The following PLXNA1 variants were observed in gnomAD, a reference collection of about 807,000 sequenced individuals.
PLXNA1 encodes plexin A1, also known as plexin-A1.
In PLXNA1, 77 loss-of-function variants were observed where a neutral mutation model predicts 191.7. The observed-to-expected ratio is 0.40, with a 90% confidence interval of 0.33 to 0.49. PLXNA1 has a LOEUF of 0.49. Ranked by LOEUF, PLXNA1 falls within the 20% of genes least tolerant of loss-of-function variation. The probability of loss-of-function intolerance (pLI) is 0.63; values close to 1 mark genes in which losing one functional copy is unlikely to be tolerated. For synonymous variants in PLXNA1, 1,137 were observed against 1,156.4 expected, an observed-to-expected ratio of 0.98 and a Z score of 0.34; for missense variants, 2,110 against 2,660.2, an observed-to-expected ratio of 0.79 and a Z score of 4.55.
chr3:127,031,935 G>C (rs1329699411), intron 29 of PLXNA1: 1 of 183,106 alleles, frequency 5.5e-6, no homozygotes, highest in African/African-American at 2.4e-5. Flanking sequence ...GTGCTGCCAG[G>C]CAGCCCAGCT....
In PLXNA1 at chr3:127,032,576, C is replaced by T. The variant is rs2079216855; in HGVS notation, c.5421C>T (p.Pro1807=). ...AGCTGCTCTACGCCAAGGACATCCC[C>T]AACTACAAGAGCTGGGTGGAGAGGT... ...SNKLLYAKDI[P]NYKSWVERYY... Residue 1807 remains proline (P), a synonymous_variant, in exon 30 of 32, where the codon CCC becomes CCT. Transcript: ENST00000393409. 1.2e-6 allele frequency: 2 copies of T among 1,613,862 alleles called. No homozygotes were observed. The highest frequency in any genetic ancestry group is 1.3e-5 in the African/African-American group (1 of 75,018).
chr3:127,009,113 G>A (rs1483866657), intron 9 of PLXNA1, among the ~76,000 whole-genome samples: 1 of 141,770 alleles, frequency 7.1e-6, no homozygotes, highest in Non-Finnish European at 1.5e-5. Flanking sequence ...TGAAGTCACT[G>A]TGGGGATGAT....
intron 21 of PLXNA1, among the ~76,000 whole-genome samples, chr3:127,020,914 C>A (rs369090742): frequency 2.0e-4 from 31 of 152,208 alleles, no homozygotes; most frequent in Non-Finnish European, 4.1e-4. Flanking sequence ...GGCTTTGCCC[C>A]GTAGACCTTG....
At chr3:127,001,204 C>T (rs1388406478) in intron 3 of PLXNA1, among the ~76,000 whole-genome samples, 1 of 152,134 alleles carries the variant, frequency 6.6e-6, no homozygotes, top group Non-Finnish European at 1.5e-5. Flanking sequence ...CTGGTGTGCC[C>T]CCTGGACCTG....
At position 127,014,539 on chromosome 3, in the gene PLXNA1, T is replaced by G; in HGVS notation, c.2666T>G (p.Leu889Arg). The change falls in exon 13 of 32, where the codon CTG (leucine) becomes CGG (arginine). Residue 889 changes from leucine (L) to arginine (R), a missense_variant. Physicochemically the swap from Leu to Arg is moderately radical, Grantham distance 102. Coordinates refer to ENST00000393409, the MANE Select transcript of PLXNA1 (RefSeq NM_032242.4). Reference protein sequence around the residue: ...GTRLTITGENLGLRFEDVRLG... With the variant: ...GTRLTITGENRGLRFEDVRLG... ...CGGCTCACTATCACAGGCGAGAACC[T>G]GGGCCTGCGATTCGAAGACGTGCGT... The G allele has an allele frequency of 6.2e-7, 1 of 1,611,264 alleles. No homozygotes were observed. Among genetic ancestry groups the G allele is most frequent in the Non-Finnish European group, 8.5e-7 (1 of 1,179,824 alleles).
At chr3:126,985,089 TAGC>T (rs1349427523) in intron 1 of PLXNA1, among the ~76,000 whole-genome samples, 3 of 152,108 alleles carry the variant, frequency 2.0e-5, no homozygotes, top group Non-Finnish European at 4.4e-5. Flanking sequence ...GCCTGAGCCA[TAGC>T]AGGATCTGGC....
Position 127,022,604 on chromosome 3 carries a change from C to T in PLXNA1, c.4296-148C>T, listed in dbSNP as rs142668689. On this transcript the variant is annotated intron_variant, in intron 22 of 31. Coordinates refer to ENST00000393409, the MANE Select transcript of PLXNA1 (RefSeq NM_032242.4). ...CAGCCCCTGAAGCGCCTGCTGCCCACTCATGTGGGTGCCTTTCGAGACCTG... is the reference window on the plus strand; with the variant it reads ...CAGCCCCTGAAGCGCCTGCTGCCCATTCATGTGGGTGCCTTTCGAGACCTG... 4,244 of 831,188 alleles carry T rather than the reference C, an allele frequency of 5.1e-3. 25 individuals carry two copies. Among genetic ancestry groups the T allele is most frequent in the Non-Finnish European group, 7.1e-3 (3,574 of 504,082 alleles). The allele number at this position is 831,188 out of a possible 1,614,324, so 51.5% of individuals were successfully genotyped here. A position where few individuals can be genotyped will look rare whatever the true frequency, so the allele number is the denominator to read the frequency against.
Position 126,991,465 on chromosome 3 carries a change from CT to C in PLXNA1, c.1277del (p.Leu426ArgfsTer9). On this transcript the variant is annotated frameshift_variant, in exon 3 of 32. Transcript: ENST00000393409. LOFTEE classifies it high-confidence loss of function. ...GGTVTIEGTPLFVDKDDGLTA... is the reference protein window; with the variant it reads ...GGTVTIEGTPXFVDKDDGLTA... ...CACAGTCACCATTGAGGGGACGCCC[CT>C]GTTCGTGGACAAGGATGATGGCCTG... 6.2e-7 allele frequency: 1 copy of C among 1,612,866 alleles called. No homozygotes were observed. The highest frequency in any genetic ancestry group is 8.5e-7 in the Non-Finnish European group (1 of 1,179,878).
intron 9 of PLXNA1, among the ~76,000 whole-genome samples, chr3:127,011,422 G>A (rs570620225): frequency 3.9e-5 from 6 of 152,352 alleles, no homozygotes; most frequent in African/African-American, 1.4e-4. Context: ...TGCAGGGCTT[G>A]GGGATTACAG....
chr3:126,988,642 T>TTGCTGC lies in PLXNA1; in HGVS notation c.59_64dup (p.Leu20_Leu21dup), dbSNP rs760987780. ...GCAGGTGCTCCTGCTGCTGCTGCTGTTGCTGCTGCTGCTGCCGGGCATGTG... is the reference window on the plus strand; with the variant it reads ...GCAGGTGCTCCTGCTGCTGCTGCTGTTGCTGCTGCTGCTGCTGCTGCCGGGCATGTG... On this transcript the variant is annotated inframe_insertion, in exon 2 of 32. Transcript: ENST00000393409. 3.2e-6 allele frequency: 5 copies of TTGCTGC among 1,576,120 alleles called. No homozygotes were observed. The highest frequency in any genetic ancestry group is 4.3e-6 in the Non-Finnish European group (5 of 1,161,296).
Position 127,017,681 on chromosome 3 carries a change from C to G in PLXNA1, c.3516+17C>G, listed in dbSNP as rs373371262. The G allele has an allele frequency of 1.9e-6, 3 of 1,613,250 alleles. No homozygotes were observed. The highest frequency in any genetic ancestry group is 1.1e-5 in the South Asian group (1 of 91,082). On this transcript the variant is annotated intron_variant, in intron 18 of 31. Transcript: ENST00000393409. ...ATCCTCAAGGTGGGTCACCATTGCCCGTAGGCTGGGCCAAGCCAGGGAAGA... is the reference window on the plus strand; with the variant it reads ...ATCCTCAAGGTGGGTCACCATTGCCGGTAGGCTGGGCCAAGCCAGGGAAGA...
In PLXNA1 at chr3:127,035,186, C is replaced by T. The variant is rs1192095406; in HGVS notation, c.*1169C>T. On this transcript the variant is annotated 3_prime_UTR_variant, in exon 32 of 32. Transcript: ENST00000393409. ...GAGGCCAGCGGTGTCCACCCTTGCC[C>T]TCAGCAAGAGAGAATGCATTCTTAA... is the stretch of plus-strand genomic sequence containing the variant. The T allele has an allele frequency of 6.6e-6, 1 of 152,198 alleles. No homozygotes were observed. The highest frequency in any genetic ancestry group is 1.5e-5 in the Non-Finnish European group (1 of 68,064). The allele number at this position is 152,198 out of a possible 1,614,324, so 9.4% of individuals were successfully genotyped here. A position where few individuals can be genotyped will look rare whatever the true frequency, so the allele number is the denominator to read the frequency against.
chr3:127,010,923 G>T (rs1361043712), intron 9 of PLXNA1, among the ~76,000 whole-genome samples: 1 of 152,182 alleles, frequency 6.6e-6, no homozygotes, highest in African/African-American at 2.4e-5. Flanking sequence ...CCATTCTCGG[G>T]CGCTCACGGG....
At chr3:127,016,820 G>C (rs1217141490) in intron 16 of PLXNA1, 124 bp from the exon 17 acceptor site, 1 of 1,389,118 alleles carries the variant, frequency 7.2e-7, no homozygotes, top group African/African-American at 1.4e-5. Context: ...CCCTTGCCAA[G>C]AGCTTTTACC....
intron 22 of PLXNA1, 42 bp downstream of exon 22, chr3:127,022,383 G>T (rs2079156303): frequency 6.3e-7 from 1 of 1,592,770 alleles, no homozygotes; most frequent in Non-Finnish European, 8.6e-7. Flanking sequence ...GCAGGCCCAT[G>T]CCTCCAGCTT....
chr3:127,034,078 A>T lies in PLXNA1; in HGVS notation c.*61A>T. On this transcript the variant is annotated 3_prime_UTR_variant, in exon 32 of 32. Coordinates refer to ENST00000393409, the MANE Select transcript of PLXNA1 (RefSeq NM_032242.4). ...AGGACAGCTGAGCAGGGACCGGGACAGCCCTCACCGCATGCGTGTGGAGTG... is the reference window on the plus strand; with the variant it reads ...AGGACAGCTGAGCAGGGACCGGGACTGCCCTCACCGCATGCGTGTGGAGTG... 1 of 1,438,754 alleles carries T rather than the reference A, an allele frequency of 7.0e-7. No individual in the cohort carries two copies. Among genetic ancestry groups the T allele is most frequent in the Non-Finnish European group, 9.5e-7 (1 of 1,051,848 alleles). 89.1% of individuals were successfully genotyped at this position (1,438,754 alleles called of 1,614,324 possible).
Position 127,003,373 on chromosome 3 carries a change from C to T in PLXNA1, c.1421C>T (p.Ala474Val). The T allele has an allele frequency of 6.2e-7, 1 of 1,611,680 alleles. No individual in the cohort carries two copies. Among genetic ancestry groups the T allele is most frequent in the Non-Finnish European group, 8.5e-7 (1 of 1,179,188 alleles). Residue 474 changes from alanine (A) to valine (V), a missense_variant, in exon 4 of 32, where the codon GCC becomes GTC. By Grantham distance (64) the Ala-to-Val change is moderately conservative. Coordinates refer to ENST00000393409, the MANE Select transcript of PLXNA1 (RefSeq NM_032242.4). Reference sequence around the variant, plus strand: ...AACCCCGGTGGCCGGCCTGCCCTGGCCTACGAGAGCGTCGTGGCCCAGGAG... The same window carrying T: ...AACCCCGGTGGCCGGCCTGCCCTGGTCTACGAGAGCGTCGTGGCCCAGGAG... ...LSNPGGRPALAYESVVAQEGS... is the reference protein window; with the variant it reads ...LSNPGGRPALVYESVVAQEGS...
At chr3:127,000,876 C>T (rs1323633238) in intron 3 of PLXNA1, among the ~76,000 whole-genome samples, 1 of 152,188 alleles carries the variant, frequency 6.6e-6, no homozygotes, top group African/African-American at 2.4e-5. Context: ...GTGTGCTGTG[C>T]CGTAGTGGCC....
In PLXNA1 at chr3:126,989,056, C is replaced by T. The variant is rs1559952585; in HGVS notation, c.463C>T (p.Arg155Cys). 3 of 1,613,370 alleles carry T rather than the reference C, an allele frequency of 1.9e-6. No homozygotes were observed. Among genetic ancestry groups the T allele is most frequent in the South Asian group, 2.2e-5 (2 of 91,088 alleles). Residue 155 changes from arginine (R) to cysteine (C), a missense_variant, in exon 2 of 32, where the codon CGT (arginine) becomes TGT (cysteine). Physicochemically the swap from Arg to Cys is radical, Grantham distance 180. This residue lies in a region of PLXNA1 where 903 missense variants were observed against 1,015.7 expected (regional missense o/e 0.89). Transcript: ENST00000393409. ...CTTCAAACTGGGTGAGCCACACCACCGTAAGGAGCACTACCTGTCCAGCGT... is the reference window on the plus strand; with the variant it reads ...CTTCAAACTGGGTGAGCCACACCACTGTAAGGAGCACTACCTGTCCAGCGT... ...DLFKLGEPHH[R>C]KEHYLSSVQE...
Sources: allele counts gnomAD v4.1 joint callset (sites outside exome capture counted in the v4.1 genomes callset), GRCh38; gene constraint gnomAD v4.1.1; regional missense constraint gnomAD v4.1.1; transcripts MANE v1.5; gene names NCBI Gene and HGNC (gene_info 2026-07-23, HGNC 2026-07-21).